Variants in TLN2 observed in about 807,000 individuals in gnomAD.
TLN2 encodes the protein talin 2.
Under a neutral mutation model 294.7 loss-of-function variants are expected in TLN2, and 118 were observed. The ratio of observed to expected loss-of-function variants is 0.40; its 90% confidence interval spans 0.34 to 0.47. The LOEUF (loss-of-function observed/expected upper bound fraction) is 0.47, where lower values mean the gene tolerates loss of function less well. TLN2 is among the 20% of genes least tolerant of loss of function. TLN2 has a pLI of 0.84. For missense variants in TLN2, 3,083 were observed against 3,282.2 expected, an observed-to-expected ratio of 0.94 and a Z score of 1.48; for synonymous variants, 1,431 against 1,304.5, an observed-to-expected ratio of 1.10 and a Z score of -2.09.
rs367663414 is a variant in TLN2 at position 62,701,255 on chromosome 15, T to G, written c.1696+41T>G. On this transcript the variant is annotated intron_variant, in intron 17 of 58. Transcript: ENST00000636159. ...ATTTGTGCTGCATTGGGGTTTTGTT[T>G]AAAAGCTGTGTTTTTTTTTTTAATT... The G allele has an allele frequency of 4.7e-6, 7 of 1,484,486 alleles. No individual in the cohort carries two copies. The African/African-American group carries it at 1.0e-4, about 21-fold the overall frequency. The allele number at this position is 1,484,486 out of a possible 1,614,324, so 92.0% of individuals were successfully genotyped here. A position where few individuals can be genotyped will look rare whatever the true frequency, so the allele number is the denominator to read the frequency against.
At chr15:62,787,431 T>C (rs2064755350) in intron 45 of TLN2, among the ~76,000 whole-genome samples, 1 of 152,192 alleles carries the variant, frequency 6.6e-6, no homozygotes, top group African/African-American at 2.4e-5. Context: ...GACCAGGCTT[T>C]TAACTTCCCC....
intron 54 of TLN2, chr15:62,831,522 G>GGACT (rs1308132893): frequency 6.6e-6 from 1 of 151,502 alleles, no homozygotes; most frequent in Admixed American, 6.6e-5. Flanking sequence ...ATTTATTTGG[G>GGACT]GACTGACTAC....
At chr15:62,482,602 C>CAAAAAAAAAAAAAAAAAAAAAAAA in intron 1 of TLN2, among the ~76,000 whole-genome samples, 1 of 75,782 alleles carries the variant, frequency 1.3e-5, no homozygotes, top group Non-Finnish European at 2.7e-5. Flanking sequence ...AACGTTGTCT[C>CAAAAAAAAAAAAAAAAAAAAAAAA]AAAAAAAAAA....
Position 62,656,068 on chromosome 15 carries a change from G to A in TLN2, c.642G>A (p.Leu214=). ...QNVDSRDPVQ[L]NLLYVQARDD... ...TAGATTCGAGAGACCCCGTGCAGCT[G>A]AACTTGCTTTATGTTCAGGTACAGT... The change falls in exon 8 of 59, where the codon CTG becomes CTA. Residue 214 remains leucine, a synonymous_variant. Transcript: ENST00000636159. 1.2e-6 allele frequency: 2 copies of A among 1,614,204 alleles called. No individual in the cohort carries two copies. The highest frequency in any genetic ancestry group is 1.7e-6 in the Non-Finnish European group (2 of 1,180,040).
intron 1 of TLN2, among the ~76,000 whole-genome samples, chr15:62,443,257 C>T (rs1029409543): frequency 6.6e-6 from 1 of 152,186 alleles, no homozygotes; most frequent in Non-Finnish European, 1.5e-5. Flanking sequence ...CTTTGGCAAT[C>T]CAGCTTAATA....
intron 19 of TLN2, among the ~76,000 whole-genome samples, chr15:62,703,651 A>AGC (rs2058871606): frequency 1.2e-5 from 1 of 86,730 alleles, no homozygotes; most frequent in East Asian, 3.5e-4. Context: ...ACACACACAC[A>AGC]GAGAAAGAGA....
intron 1 of TLN2, among the ~76,000 whole-genome samples, chr15:62,392,145 G>C (rs1366058205): frequency 1.3e-5 from 2 of 152,242 alleles, no homozygotes; most frequent in Non-Finnish European, 2.9e-5. Flanking sequence ...CTCGCAGCTC[G>C]TAGAGGCGAG....
chr15:62,579,616 G>C (rs182389279), intron 1 of TLN2, among the ~76,000 whole-genome samples: 263 of 152,314 alleles, frequency 1.7e-3, no homozygotes, highest in African/African-American at 6.2e-3. Flanking sequence ...GCAGGCTGGA[G>C]GATGGAGCCA....
At chr15:62,409,910 G>A (rs2033662786) in intron 1 of TLN2, among the ~76,000 whole-genome samples, 1 of 152,074 alleles carries the variant, frequency 6.6e-6, no homozygotes, top group South Asian at 2.1e-4. Flanking sequence ...TTAGTTCTAT[G>A]TTCTTCCTTC....
rs1277012089 is a variant in TLN2, at chr15:62,805,781, G to A, written c.6659G>A (p.Cys2220Tyr). The A allele has an allele frequency of 6.2e-7, 1 of 1,612,964 alleles. No homozygotes were observed. Among genetic ancestry groups the A allele is most frequent in the Non-Finnish European group, 8.5e-7 (1 of 1,179,184 alleles). Reference protein sequence around the residue: ...RKAVSDMLTACKQASFHPDVS... With the variant: ...RKAVSDMLTAYKQASFHPDVS... ...GCCGTGTCAGATATGTTGACGGCTT[G>A]CAAGGTAAAGAGCTTGGCATGGTTT... is the stretch of plus-strand genomic sequence containing the variant. Residue 2220 changes from cysteine to tyrosine, a missense_variant, in exon 51 of 59, where the codon TGC (cysteine) becomes TAC (tyrosine). Physicochemically the swap from Cys to Tyr is radical, Grantham distance 194. Coordinates refer to ENST00000636159, the MANE Select transcript of TLN2 (RefSeq NM_015059.3).
intron 1 of TLN2, among the ~76,000 whole-genome samples, chr15:62,541,447 T>C (rs1216991476): frequency 5.9e-5 from 9 of 152,212 alleles, no homozygotes; most frequent in Non-Finnish European, 1.3e-4. Flanking sequence ...GTTTAGCTTT[T>C]CTGGTTTTGA....
chr15:62,805,769 T>C lies in TLN2; in HGVS notation c.6647T>C (p.Met2216Thr). The part of the protein sequence containing the change: ...ANLSRKAVSD[M>T]LTACKQASFH... ...CTGAGCCGGAAAGCCGTGTCAGATA[T>C]GTTGACGGCTTGCAAGGTAAAGAGC... Residue 2216 changes from methionine to threonine, a missense_variant, in exon 51 of 59, where the codon ATG (methionine) becomes ACG (threonine). Met to Thr is a moderately conservative substitution (Grantham distance 81). Coordinates refer to ENST00000636159, the MANE Select transcript of TLN2 (RefSeq NM_015059.3). 3 of 1,613,626 alleles carry C rather than the reference T, an allele frequency of 1.9e-6. No individual in the cohort carries two copies. The highest frequency in any genetic ancestry group is 1.3e-5 in the African/African-American group (1 of 75,048).
At chr15:62,680,898 A>G (rs2056767844) in intron 11 of TLN2, among the ~76,000 whole-genome samples, 1 of 152,144 alleles carries the variant, frequency 6.6e-6, no homozygotes. Context: ...GTTGTTGCAA[A>G]GGACATTATT....
At chr15:62,709,261 C>A (rs2059269516) in intron 21 of TLN2, among the ~76,000 whole-genome samples, 1 of 152,144 alleles carries the variant, frequency 6.6e-6, no homozygotes, top group African/African-American at 2.4e-5. Flanking sequence ...TAGACCATGG[C>A]CTTTATTGGA....
chr15:62,521,447 G>T (rs1467077631), intron 1 of TLN2, among the ~76,000 whole-genome samples: 1 of 151,388 alleles, frequency 6.6e-6, no homozygotes, highest in Non-Finnish European at 1.5e-5. Context: ...GTGTGCCTGA[G>T]GCAGTGGAGT....
intron 44 of TLN2, among the ~76,000 whole-genome samples, chr15:62,783,261 G>A (rs1186394136): frequency 4.6e-5 from 7 of 152,222 alleles, no homozygotes; most frequent in African/African-American, 1.7e-4. Context: ...TAACAGCCCT[G>A]TCCTCATGCC....
rs2058785365 is a variant in TLN2, at chr15:62,702,627, A to G, written c.1906-139A>G. 5 of 773,142 alleles carry G rather than the reference A, an allele frequency of 6.5e-6. No homozygotes were observed. The Admixed American group carries it at 6.5e-5, about 10-fold the overall frequency. The allele number at this position is 773,142 out of a possible 1,614,324, so 47.9% of individuals were successfully genotyped here. On this transcript the variant is annotated intron_variant, in intron 18 of 58. Transcript: ENST00000636159. ...CACGGATTTCACCGGGATGTCTTCT[A>G]TCTGGCAGACCACCTGAGATTCTCA...
intron 1 of TLN2, among the ~76,000 whole-genome samples, chr15:62,493,598 A>T (rs2038863544): frequency 1.3e-5 from 2 of 150,072 alleles, no homozygotes; most frequent in East Asian, 3.9e-4. Context: ...GCCCAACACC[A>T]TGGAGGTTCC....
At chr15:62,737,161 G>A in intron 29 of TLN2, 75 bp downstream of exon 29, 14 of 1,513,406 alleles carry the variant, frequency 9.3e-6, no homozygotes, top group Non-Finnish European at 1.3e-5. Flanking sequence ...TGTCTCCTGG[G>A]CACTTTTCCC....
Sources: allele counts gnomAD v4.1 joint callset (sites outside exome capture counted in the v4.1 genomes callset), GRCh38; gene constraint gnomAD v4.1.1; transcripts MANE v1.5; gene names NCBI Gene and HGNC (gene_info 2026-07-23, HGNC 2026-07-21).